Variants in SLC9A9 observed in about 807,000 individuals in gnomAD.
The protein encoded by SLC9A9 is solute carrier family 9 member A9, also known as sodium/hydrogen exchanger 9.
In SLC9A9, 62 loss-of-function variants were observed where a neutral mutation model predicts 77.8. The observed-to-expected ratio is 0.80, with a 90% CI of 0.65 to 0.98. The LOEUF is 0.98. Ranked by LOEUF, SLC9A9 falls within the 50% of genes least tolerant of loss-of-function variation. SLC9A9 has a pLI of 0.00. For synonymous variants in SLC9A9, 320 were observed against 283.5 expected, an observed-to-expected ratio of 1.13 and a Z score of -1.29; for missense variants, 775 against 774.9, an observed-to-expected ratio of 1.00 and a Z score of 0.00.
At chr3:143,631,775 A>G (rs181670721) in intron 6 of SLC9A9, among the ~76,000 whole-genome samples, 3 of 152,282 alleles carry the variant, frequency 2.0e-5, no homozygotes, top group South Asian at 2.1e-4. Context: ...CAGTTTTTCC[A>G]AAAGAAACTA....
intron 11 of SLC9A9, among the ~76,000 whole-genome samples, chr3:143,488,390 T>C (rs778695771): frequency 1.7e-4 from 26 of 151,984 alleles, no homozygotes; most frequent in African/African-American, 2.9e-4. Flanking sequence ...GAAGCAATTC[T>C]TATCTCATTC....
At chr3:143,626,441 A>C (rs1402498530) in intron 6 of SLC9A9, among the ~76,000 whole-genome samples, 1 of 152,248 alleles carries the variant, frequency 6.6e-6, no homozygotes, top group East Asian at 1.9e-4. Context: ...CAGCCATAAA[A>C]AATGATGAGT....
chr3:143,360,712 T>C (rs1023323485), intron 14 of SLC9A9, among the ~76,000 whole-genome samples: 4 of 152,246 alleles, frequency 2.6e-5, no homozygotes, highest in African/African-American at 7.2e-5. Context: ...CTGGTTTTAT[T>C]GATAACAATG....
At chr3:143,606,317 AT>A (rs2108691970) in intron 6 of SLC9A9, among the ~76,000 whole-genome samples, 1 of 150,966 alleles carries the variant, frequency 6.6e-6, no homozygotes, top group South Asian at 2.1e-4. Context: ...AGGCAGGAGA[AT>A]TGCTGGAACC....
chr3:143,268,797 T>C, intron 15 of SLC9A9, 78 bp downstream of exon 15: 1 of 1,080,108 alleles, frequency 9.3e-7, no homozygotes, highest in South Asian at 1.2e-5. Context: ...CTTTTTGAGG[T>C]TCCTGGGCTC....
chr3:143,516,516 A>G (rs951808393), intron 9 of SLC9A9, among the ~76,000 whole-genome samples: 1 of 152,200 alleles, frequency 6.6e-6, no homozygotes, highest in East Asian at 1.9e-4. Context: ...ATTAAATGCT[A>G]CATTTAATTA....
At chr3:143,616,854 G>A (rs531775413) in intron 6 of SLC9A9, among the ~76,000 whole-genome samples, 5 of 152,186 alleles carry the variant, frequency 3.3e-5, no homozygotes, top group East Asian at 1.9e-4. Flanking sequence ...TAAATTTTAC[G>A]TGTATCTTTT....
chr3:143,365,612 T>C (rs2032879025), intron 13 of SLC9A9, among the ~76,000 whole-genome samples: 1 of 152,202 alleles, frequency 6.6e-6, no homozygotes, highest in Non-Finnish European at 1.5e-5. Flanking sequence ...TGTTTTCTGA[T>C]AGGGCCGGAG....
chr3:143,807,217 G>A (rs1170050662), intron 2 of SLC9A9, among the ~76,000 whole-genome samples: 1 of 152,230 alleles, frequency 6.6e-6, no homozygotes, highest in African/African-American at 2.4e-5. Context: ...GCTAAGGAGT[G>A]TGGATCACTT....
At chr3:143,524,554 T>A (rs574256259) in intron 9 of SLC9A9, among the ~76,000 whole-genome samples, 2 of 152,222 alleles carry the variant, frequency 1.3e-5, no homozygotes. Flanking sequence ...AGCTTATGCA[T>A]ATTTTTTTGA....
chr3:143,407,185 G>T (rs2033999354), intron 12 of SLC9A9, among the ~76,000 whole-genome samples: 1 of 152,052 alleles, frequency 6.6e-6, no homozygotes, highest in African/African-American at 2.4e-5. Flanking sequence ...AGCTTTCACA[G>T]AACACAATTG....
At chr3:143,635,786 G>A (rs1412522258) in intron 6 of SLC9A9, among the ~76,000 whole-genome samples, 5 of 152,122 alleles carry the variant, frequency 3.3e-5, no homozygotes, top group Non-Finnish European at 5.9e-5. Context: ...TATCAGGTCC[G>A]AGAGAAACAG....
At chr3:143,795,281 GAAAAAAAA>G (rs776525691) in intron 3 of SLC9A9, among the ~76,000 whole-genome samples, 5 of 72,190 alleles carry the variant, frequency 6.9e-5, no homozygotes, top group Non-Finnish European at 1.4e-4. Context: ...TCAAGAAGCA[GAAAAAAAA>G]AAAAAAAAAA....
intron 4 of SLC9A9, among the ~76,000 whole-genome samples, chr3:143,762,279 A>C (rs956556565): frequency 6.6e-5 from 10 of 152,202 alleles, no homozygotes; most frequent in Admixed American, 2.6e-4. Context: ...AACATGGCAC[A>C]TGTATACATA....
chr3:143,483,430 C>T (rs2035605434), intron 11 of SLC9A9, among the ~76,000 whole-genome samples: 1 of 152,190 alleles, frequency 6.6e-6, no homozygotes, highest in Non-Finnish European at 1.5e-5. Flanking sequence ...AGGCCTTTCT[C>T]ACCACCATGA....
At chr3:143,785,554 A>T (rs2121771) in intron 4 of SLC9A9, among the ~76,000 whole-genome samples, 33,009 of 152,156 alleles carry the variant, frequency 0.22, 4,106 homozygotes, top group East Asian at 0.36. Context: ...TAAATTGTTG[A>T]GCCACAGAAT....
intron 11 of SLC9A9, among the ~76,000 whole-genome samples, chr3:143,476,225 A>G (rs1315397093): frequency 6.6e-6 from 1 of 152,202 alleles, no homozygotes; most frequent in Admixed American, 6.5e-5. Context: ...ATGGAAGTGA[A>G]GCCAACAGAT....
In SLC9A9 at chr3:143,266,470, G is replaced by C. The variant is rs1937720855; in HGVS notation, c.*232C>G. 4 of 577,586 alleles carry C rather than the reference G, an allele frequency of 6.9e-6. No homozygotes were observed. In the South Asian group the frequency reaches 8.0e-5, roughly 11 times the overall value. 35.8% of individuals were successfully genotyped at this position (577,586 alleles called of 1,614,324 possible). A position where few individuals can be genotyped will look rare whatever the true frequency, so the allele number is the denominator to read the frequency against. On this transcript the variant is annotated 3_prime_UTR_variant, in exon 16 of 16. Coordinates refer to ENST00000316549, the MANE Select transcript of SLC9A9 (RefSeq NM_173653.4). ...CTCCATCCCCACCCCAGCCAATCCA[G>C]TAATCAGAATGGCTGCTGTCAAAAA...
chr3:143,488,163 A>G (rs756271557), intron 11 of SLC9A9, among the ~76,000 whole-genome samples: 9 of 151,888 alleles, frequency 5.9e-5, no homozygotes, highest in Non-Finnish European at 1.3e-4. Context: ...TGAAATGGAT[A>G]CCTTCCTAGA....
Sources: allele counts gnomAD v4.1 joint callset (sites outside exome capture counted in the v4.1 genomes callset), GRCh38; gene constraint gnomAD v4.1.1; transcripts MANE v1.5; gene names NCBI Gene and HGNC (gene_info 2026-07-23, HGNC 2026-07-21).